The following PRKCZ variants were observed in gnomAD, a reference collection of about 807,000 sequenced individuals.
PRKCZ encodes protein kinase C zeta.
In PRKCZ, 33 loss-of-function variants were observed where a neutral mutation model predicts 79.5. That is an observed-to-expected ratio of 0.41 (90% CI 0.31 to 0.55). The LOEUF (loss-of-function observed/expected upper bound fraction) is 0.55. Among genes scored for constraint, PRKCZ ranks in the 20% least tolerant of loss-of-function variants. The pLI is 0.19. For synonymous variants in PRKCZ, 342 were observed against 320.9 expected (o/e 1.07, Z -0.70); for missense variants, 578 against 813.5 (o/e 0.71, Z 3.52).
intron 10 of PRKCZ, chr1:2,156,363 C>A: frequency 3.0e-6 from 1 of 335,400 alleles, no homozygotes; most frequent in Non-Finnish European, 5.8e-6. Flanking sequence ...GCTGGGGCTA[C>A]AAAAGTAAGC....
At chr1:2,126,165 C>A (rs1006522385) in intron 4 of PRKCZ, among the ~76,000 whole-genome samples, 1 of 152,232 alleles carries the variant, frequency 6.6e-6, no homozygotes, top group African/African-American at 2.4e-5. Flanking sequence ...CACCAGGCAC[C>A]AGAGACCCGG....
chr1:2,154,866 C>T (rs771969052), intron 9 of PRKCZ, among the ~76,000 whole-genome samples: 77 of 152,218 alleles, frequency 5.1e-4, no homozygotes, highest in Non-Finnish European at 7.2e-4. Context: ...GGGAGGGTGA[C>T]AGTCCTATGG....
Position 2,174,075 on chromosome 1 carries a change from C to G in PRKCZ, c.1405+59C>G. On this transcript the variant is annotated intron_variant, in intron 14 of 17. Coordinates refer to ENST00000378567, the MANE Select transcript of PRKCZ (RefSeq NM_002744.6). The surrounding 1 kb of genome is among the most constrained non-coding windows in gnomAD (Gnocchi z 6.2). ...CTGCACGACTGTCTTCCTTCCTTTT[C>G]AAAGGTGCAGGTGGAGGGGTCCCGC... is the stretch of plus-strand genomic sequence containing the variant. The G allele has an allele frequency of 6.6e-7, 1 of 1,518,520 alleles. No individual in the cohort carries two copies. Among genetic ancestry groups the G allele is most frequent in the African/African-American group, 1.4e-5 (1 of 71,674 alleles). The allele number at this position is 1,518,520 out of a possible 1,614,324, so 94.1% of individuals were successfully genotyped here.
chr1:2,132,630 G>A (rs1316556811), intron 4 of PRKCZ, among the ~76,000 whole-genome samples: 2 of 152,262 alleles, frequency 1.3e-5, no homozygotes, highest in Non-Finnish European at 2.9e-5. Flanking sequence ...CTGGGCTTCT[G>A]TTCCTATTTT....
At chr1:2,104,161 G>C (rs1023459830) in intron 4 of PRKCZ, among the ~76,000 whole-genome samples, 1 of 152,184 alleles carries the variant, frequency 6.6e-6, no homozygotes, top group Non-Finnish European at 1.5e-5. Context: ...GGGGCAAGGC[G>C]GGGTGAGCAG....
intron 9 of PRKCZ, among the ~76,000 whole-genome samples, chr1:2,154,978 A>T (rs1437485428): frequency 6.6e-6 from 1 of 152,186 alleles, no homozygotes; most frequent in African/African-American, 2.4e-5. Context: ...TTGTGTCCTA[A>T]CTGGAGATAA....
At chr1:2,089,225 C>T (rs1450189898) in intron 4 of PRKCZ, among the ~76,000 whole-genome samples, 1 of 104,812 alleles carries the variant, frequency 9.5e-6, no homozygotes, top group African/African-American at 7.5e-5. Flanking sequence ...CGGGCGATGG[C>T]AGACGCCATG....
chr1:2,085,096 C>T (rs1235376332), intron 4 of PRKCZ, among the ~76,000 whole-genome samples: 1 of 152,024 alleles, frequency 6.6e-6, no homozygotes, highest in Non-Finnish European at 1.5e-5. Context: ...TGCTGTGTCC[C>T]TGCCCTCCCT....
At position 2,082,397 on chromosome 1, in the gene PRKCZ, GTTTA is replaced by G. The variant is rs1663716117; in HGVS notation, c.334+22816_334+22819del. 6.6e-6 allele frequency: 3 copies of G among 456,328 alleles called. No homozygotes were observed. The highest frequency in any genetic ancestry group is 7.0e-5 in the East Asian group (1 of 14,388). 28.3% of individuals were successfully genotyped at this position (456,328 alleles called of 1,614,324 possible). ...GACAGAGTGAAGTCTGGTAGTTTGT[GTTTA>G]TTTATTTATCTTGGCCAGCAGAGAG... is the stretch of plus-strand genomic sequence containing the variant. On this transcript the variant is annotated intron_variant, in intron 4 of 17. Coordinates refer to ENST00000378567, the MANE Select transcript of PRKCZ (RefSeq NM_002744.6). This position sits in a 1 kb window ranked among gnomAD's most constrained non-coding sequence, Gnocchi z 4.4.
intron 4 of PRKCZ, among the ~76,000 whole-genome samples, chr1:2,095,731 A>C (rs6603814): frequency 2.0e-4 from 22 of 111,026 alleles, no homozygotes; most frequent in Non-Finnish European, 3.2e-4. Flanking sequence ...TTCCCTCCCC[A>C]CCTTTCCGCT....
chr1:2,094,670 C>T lies in PRKCZ; in HGVS notation c.334+35079C>T, dbSNP rs1390942692. Among the ~76,000 whole-genome samples, 3 of 142,394 alleles carry T rather than the reference C, an allele frequency of 2.1e-5. No individual in the cohort carries two copies. Among genetic ancestry groups the T allele is most frequent in the Non-Finnish European group, 4.5e-5 (3 of 66,104 alleles). The allele number at this position is 142,394 out of a possible 152,430, so 93.4% of individuals were successfully genotyped here. On this transcript the variant is annotated intron_variant, in intron 4 of 17. Transcript: ENST00000378567. This position sits in a 1 kb window ranked among gnomAD's most constrained non-coding sequence, Gnocchi z 7.3. ...TGTGCCCGGCTCGTTGAACCTTGGG[C>T]GCTGCCCGTTCTGAGGCGCCCGCTG...
chr1:2,144,717 G>A (rs1168164927), intron 6 of PRKCZ: 38 of 852,652 alleles, frequency 4.5e-5, no homozygotes, highest in Middle Eastern at 3.3e-4. Context: ...CTGAGGCTCC[G>A]AACATCTGGA....
intron 16 of PRKCZ, among the ~76,000 whole-genome samples, chr1:2,183,235 C>CA (rs1231708222): frequency 6.6e-6 from 1 of 151,432 alleles, no homozygotes; most frequent in Non-Finnish European, 1.5e-5. Flanking sequence ...AAAACAAAAA[C>CA]AAAAAACAAA....
intron 4 of PRKCZ, among the ~76,000 whole-genome samples, chr1:2,079,450 A>G (rs1663062293): frequency 6.6e-6 from 1 of 152,238 alleles, no homozygotes; most frequent in Admixed American, 6.5e-5. Flanking sequence ...GCTTAAGCCC[A>G]CGCTATTTGC....
At chr1:2,159,984 CAGAT>C (rs1446431769) in intron 10 of PRKCZ, among the ~76,000 whole-genome samples, 2 of 152,210 alleles carry the variant, frequency 1.3e-5, no homozygotes, top group African/African-American at 4.8e-5. Flanking sequence ...ACGGTGATCT[CAGAT>C]GGTAGGTGAG....
rs1571418753 is a variant in PRKCZ at position 2,106,696 on chromosome 1, C to T, written c.335-28566C>T. Among the ~76,000 whole-genome samples, 2 of 131,822 alleles carry T rather than the reference C, an allele frequency of 1.5e-5. 1 individual carries two copies. The allele number at this position is 131,822 out of a possible 152,430, so 86.5% of individuals were successfully genotyped here. A position where few individuals can be genotyped will look rare whatever the true frequency, so the allele number is the denominator to read the frequency against. On this transcript the variant is annotated intron_variant, in intron 4 of 17. Transcript: ENST00000378567. Reference sequence around the variant, plus strand: ...CAGGCCAGGTAACTCTCAGCAAGCCCCTCCGGTGGGCGAGGACCTCCATGC... The same window carrying T: ...CAGGCCAGGTAACTCTCAGCAAGCCTCTCCGGTGGGCGAGGACCTCCATGC...
intron 10 of PRKCZ, among the ~76,000 whole-genome samples, chr1:2,157,910 G>A (rs1192033753): frequency 3.9e-5 from 6 of 152,034 alleles, no homozygotes; most frequent in East Asian, 3.9e-4. Flanking sequence ...CCCCAGCTCC[G>A]GGCCAGCTTT....
chr1:2,121,483 G>A lies in PRKCZ; in HGVS notation c.335-13779G>A, dbSNP rs1315684047. On this transcript the variant is annotated intron_variant, in intron 4 of 17. Transcript: ENST00000378567. ...TTAGAGTCATGGCGGTAGTTAGTTAGGGTCACGGTGGTAGTTAGGATCATG... is the reference window on the plus strand; with the variant it reads ...TTAGAGTCATGGCGGTAGTTAGTTAAGGTCACGGTGGTAGTTAGGATCATG... 0.012 allele frequency among the ~76,000 whole-genome samples: 587 copies of A among 48,428 alleles called. 13 individuals are homozygous for A. In the East Asian group the frequency reaches 0.15, roughly 12 times the overall value. 31.8% of individuals were successfully genotyped at this position (48,428 alleles called of 152,430 possible).
At position 2,095,295 on chromosome 1, in the gene PRKCZ, C is replaced by T. The variant is rs372367832; in HGVS notation, c.334+35704C>T. ...CCCTCCTGGCAGGGGCCCTTGTGTG[C>T]GTCCTGAGCTCACCATGGTTTTGGA... On this transcript the variant is annotated intron_variant, in intron 4 of 17. Transcript: ENST00000378567. 1.2e-4 allele frequency among the ~76,000 whole-genome samples: 19 copies of T among 152,174 alleles called. 1 individual carries two copies. Among genetic ancestry groups the T allele is most frequent in the African/African-American group, 4.1e-4 (17 of 41,416 alleles).
Sources: allele counts gnomAD v4.1 joint callset (sites outside exome capture counted in the v4.1 genomes callset), GRCh38; gene constraint gnomAD v4.1.1; non-coding constraint Gnocchi (gnomAD v3.1); transcripts MANE v1.5; gene names NCBI Gene and HGNC (gene_info 2026-07-23, HGNC 2026-07-21).